FSTL5: variants seen among roughly 807,000 people sequenced by gnomAD.
FSTL5 encodes follistatin like 5.
In FSTL5, 62 loss-of-function variants were observed where a neutral mutation model predicts 89.1. That is an observed-to-expected ratio of 0.70 (90% CI 0.57 to 0.86). The LOEUF (loss-of-function observed/expected upper bound fraction) is 0.86, where lower values mean the gene tolerates loss of function less well. Ranked by LOEUF, FSTL5 falls within the 40% of genes least tolerant of loss-of-function variation. FSTL5 has a pLI of 0.00. For missense variants in FSTL5, 1,057 were observed against 1,001.6 expected, an observed-to-expected ratio of 1.06 and a Z score of -0.75; for synonymous variants, 383 against 346.2, an observed-to-expected ratio of 1.11 and a Z score of -1.18.
intron 6 of FSTL5, among the ~76,000 whole-genome samples, chr4:161,731,011 T>A (rs192253680): frequency 6.6e-6 from 1 of 152,328 alleles, no homozygotes; most frequent in East Asian, 1.9e-4. Context: ...AGATTATGTA[T>A]TTTTTATTAT....
intron 7 of FSTL5, among the ~76,000 whole-genome samples, chr4:161,606,996 G>A (rs562392891): frequency 2.8e-4 from 43 of 152,268 alleles, no homozygotes; most frequent in African/African-American, 1.0e-3. Flanking sequence ...CATTAGGAGA[G>A]GCTGCAAGGG....
At chr4:161,712,831 C>T (rs892894643) in intron 6 of FSTL5, among the ~76,000 whole-genome samples, 2 of 151,816 alleles carry the variant, frequency 1.3e-5, no homozygotes, top group African/African-American at 4.8e-5. Flanking sequence ...AGGGCTTGAC[C>T]CCTCACCCCC....
rs1426384960 is a variant in FSTL5, at chr4:161,640,434, A to G, written c.894+15894T>C. Among the ~76,000 whole-genome samples the G allele has an allele frequency of 3.9e-5, 6 of 152,218 alleles. No individual in the cohort carries two copies. The East Asian group carries it at 1.2e-3, about 29-fold the overall frequency. On this transcript the variant is annotated intron_variant, in intron 7 of 15. Transcript: ENST00000306100. ...AGATGTGAAGAACGTGAAGAAAAGC[A>G]TGTATAAACAAGCATCCATAAAGAA... is the stretch of plus-strand genomic sequence containing the variant.
At chr4:161,618,557 C>T (rs983387259) in intron 7 of FSTL5, among the ~76,000 whole-genome samples, 4 of 151,508 alleles carry the variant, frequency 2.6e-5, no homozygotes, top group African/African-American at 9.7e-5. Context: ...TTGTCAACGG[C>T]CTTTTCTGCA....
At chr4:162,122,871 A>G (rs1356036376) in intron 1 of FSTL5, among the ~76,000 whole-genome samples, 22 of 152,278 alleles carry the variant, frequency 1.4e-4, no homozygotes, top group Admixed American at 1.4e-3. Flanking sequence ...AAGTTTGAAA[A>G]TCATAATACA....
At chr4:161,598,914 C>A (rs1167545587) in intron 7 of FSTL5, among the ~76,000 whole-genome samples, 1 of 151,974 alleles carries the variant, frequency 6.6e-6, no homozygotes, top group Non-Finnish European at 1.5e-5. Flanking sequence ...TCTTTATAAT[C>A]TCAGGAATTT....
chr4:161,724,077 A>C (rs1350626731), intron 6 of FSTL5, among the ~76,000 whole-genome samples: 3 of 152,172 alleles, frequency 2.0e-5, no homozygotes, highest in Non-Finnish European at 4.4e-5. Context: ...GAAAAAGCTA[A>C]ATCGTATTAG....
chr4:161,570,733 T>G (rs62324343), intron 8 of FSTL5, among the ~76,000 whole-genome samples: 72,759 of 152,074 alleles, frequency 0.48, 17,674 homozygotes, highest in Middle Eastern at 0.6. Context: ...TGGCATCTCT[T>G]AATGTATTTC....
At chr4:161,582,646 T>C (rs76253536) in intron 8 of FSTL5, among the ~76,000 whole-genome samples, 2,069 of 152,304 alleles carry the variant, frequency 0.014, 25 homozygotes, top group Middle Eastern at 0.048. Context: ...TTTCTAGATA[T>C]GTTATTATAA....
At chr4:161,451,677 T>A (rs184515283) in intron 15 of FSTL5, among the ~76,000 whole-genome samples, 1 of 152,362 alleles carries the variant, frequency 6.6e-6, no homozygotes, top group East Asian at 1.9e-4. Flanking sequence ...ATGTAAATTC[T>A]TATTACTGTA....
intron 3 of FSTL5, among the ~76,000 whole-genome samples, chr4:161,962,820 A>G (rs892840314): frequency 2.0e-5 from 3 of 152,036 alleles, no homozygotes; most frequent in Admixed American, 6.6e-5. Context: ...ATAGAACTAA[A>G]GAACTTTTAT....
rs941723168 is a variant in FSTL5 at position 161,656,244 on chromosome 4, C to T, written c.894+84G>A. The T allele has an allele frequency of 1.1e-5, 7 of 648,814 alleles. No individual in the cohort carries two copies. The Middle Eastern group carries it at 1.3e-3, about 122-fold the overall frequency. 40.2% of individuals were successfully genotyped at this position (648,814 alleles called of 1,614,324 possible). On this transcript the variant is annotated intron_variant, in intron 7 of 15. Coordinates refer to ENST00000306100, the MANE Select transcript of FSTL5 (RefSeq NM_020116.5). The stretch of plus-strand genomic sequence containing the variant: ...TCTCTTTTACTCTGCATCCAATATT[C>T]ATTAAGCTCCCCTGACATCACAAAG...
intron 10 of FSTL5, among the ~76,000 whole-genome samples, chr4:161,525,107 G>A (rs116627935): frequency 1.0e-3 from 158 of 152,088 alleles, no homozygotes; most frequent in African/African-American, 3.3e-3. Context: ...CAGTCTCATC[G>A]CGCTTTGCTT....
chr4:161,524,928 A>G (rs1731164109), intron 10 of FSTL5, among the ~76,000 whole-genome samples: 1 of 151,518 alleles, frequency 6.6e-6, no homozygotes, highest in South Asian at 2.1e-4. Context: ...ACTGCACTCT[A>G]GCCTGGGCAA....
chr4:161,825,287 G>C (rs1266230728), intron 4 of FSTL5, among the ~76,000 whole-genome samples: 2 of 152,064 alleles, frequency 1.3e-5, no homozygotes, highest in Non-Finnish European at 2.9e-5. Flanking sequence ...CCTGGATTTG[G>C]CCACCTAGCA....
At chr4:161,750,403 A>C (rs1301308436) in intron 6 of FSTL5, among the ~76,000 whole-genome samples, 1 of 152,198 alleles carries the variant, frequency 6.6e-6, no homozygotes, top group Non-Finnish European at 1.5e-5. Context: ...AAAAAGAATG[A>C]ATAATATACA....
At chr4:161,595,952 C>G (rs1016581532) in intron 7 of FSTL5, among the ~76,000 whole-genome samples, 28 of 151,968 alleles carry the variant, frequency 1.8e-4, no homozygotes, top group African/African-American at 6.3e-4. Flanking sequence ...TATACACTGA[C>G]ATTAAAGTAA....
At chr4:161,695,494 T>TAC (rs1738119420) in intron 6 of FSTL5, among the ~76,000 whole-genome samples, 1 of 145,912 alleles carries the variant, frequency 6.9e-6, no homozygotes, top group Admixed American at 7.0e-5. Flanking sequence ...TATATATATA[T>TAC]CACAGTTTCT....
At chr4:161,865,971 T>C (rs1732074411) in intron 4 of FSTL5, among the ~76,000 whole-genome samples, 1 of 152,110 alleles carries the variant, frequency 6.6e-6, no homozygotes, top group African/African-American at 2.4e-5. Flanking sequence ...AATATCGTAG[T>C]TAGAAAAGAG....
Sources: allele counts gnomAD v4.1 joint callset (sites outside exome capture counted in the v4.1 genomes callset), GRCh38; gene constraint gnomAD v4.1.1; transcripts MANE v1.5; gene names NCBI Gene and HGNC (gene_info 2026-07-23, HGNC 2026-07-21).